Variants in SPIDR observed in about 807,000 individuals in gnomAD.
SPIDR encodes the protein scaffold protein involved in DNA repair.
Under a neutral mutation model 104.6 loss-of-function variants are expected in SPIDR, and 93 were observed. The observed-to-expected ratio is 0.89, with a 90% CI of 0.75 to 1.06. SPIDR has a LOEUF of 1.06. Among genes scored for constraint, SPIDR ranks in the 50% least tolerant of loss-of-function variants. The probability of loss-of-function intolerance (pLI) is 0.00; values close to 1 mark genes in which losing one functional copy is unlikely to be tolerated. For missense variants in SPIDR, 1,154 were observed against 1,111.2 expected (o/e 1.04, Z -0.55); for synonymous variants, 431 against 416.9 (o/e 1.03, Z -0.41).
chr8:47,482,075 T>C (rs1425310620), intron 8 of SPIDR, among the ~76,000 whole-genome samples: 1 of 152,224 alleles, frequency 6.6e-6, no homozygotes, highest in Non-Finnish European at 1.5e-5. Context: ...ACAGCACATG[T>C]TGAGCGTGGT....
intron 5 of SPIDR, among the ~76,000 whole-genome samples, chr8:47,328,681 A>G (rs972298034): frequency 1.3e-5 from 2 of 152,154 alleles, no homozygotes; most frequent in Admixed American, 6.5e-5. Context: ...CAGAGCATAC[A>G]GTGGAATCTT....
chr8:47,264,590 C>T (rs1403335884), intron 1 of SPIDR, among the ~76,000 whole-genome samples: 1 of 151,850 alleles, frequency 6.6e-6, no homozygotes, highest in Admixed American at 6.6e-5. Flanking sequence ...AGGACGACCA[C>T]ATATACTCCT....
At chr8:47,355,919 A>C (rs1168090803) in intron 5 of SPIDR, among the ~76,000 whole-genome samples, 1 of 152,188 alleles carries the variant, frequency 6.6e-6, no homozygotes, top group East Asian at 1.9e-4. Flanking sequence ...TTGTTAGTCA[A>C]GAGCTGGGCT....
At position 47,308,933 on chromosome 8, in the gene SPIDR, C is replaced by A. The variant is rs373739131; in HGVS notation, c.525+14903C>A. Reference sequence around the variant, plus strand: ...GCAAGTGATTAAAATTATATTCAGGCCTTCCCCTGGACATTAACAAGCCTT... The same window carrying A: ...GCAAGTGATTAAAATTATATTCAGGACTTCCCCTGGACATTAACAAGCCTT... On this transcript the variant is annotated intron_variant, in intron 5 of 19. Transcript: ENST00000297423. Among the ~76,000 whole-genome samples, 9 of 152,212 alleles carry A rather than the reference C, an allele frequency of 5.9e-5. No individual in the cohort carries two copies. The South Asian group carries it at 1.7e-3, about 28-fold the overall frequency.
intron 5 of SPIDR, among the ~76,000 whole-genome samples, chr8:47,309,994 G>A (rs1554583948): frequency 6.6e-6 from 1 of 150,590 alleles, no homozygotes; most frequent in Non-Finnish European, 1.5e-5. Flanking sequence ...AGCCGGGATT[G>A]CACCACTGCA....
rs117583309 is a variant in SPIDR, at chr8:47,669,117, A to T, written c.1545-4684A>T. 1.8e-4 allele frequency among the ~76,000 whole-genome samples: 28 copies of T among 152,324 alleles called. No homozygotes were observed. In the East Asian group the frequency reaches 5.4e-3, roughly 29 times the overall value. Reference sequence around the variant, plus strand: ...GATAAGCAACTTTTGCAAGATCCAAAGTTATTAACATAATGCTGCCCCCCG... The same window carrying T: ...GATAAGCAACTTTTGCAAGATCCAATGTTATTAACATAATGCTGCCCCCCG... On this transcript the variant is annotated intron_variant, in intron 10 of 19. Transcript: ENST00000297423.
intron 5 of SPIDR, among the ~76,000 whole-genome samples, chr8:47,355,104 C>T (rs781972023): frequency 7.9e-5 from 12 of 151,994 alleles, no homozygotes; most frequent in Admixed American, 7.2e-4. Flanking sequence ...TACAGGCACC[C>T]GCCACCACGC....
chr8:47,592,503 G>T (rs760390230), intron 8 of SPIDR: 25 of 1,415,422 alleles, frequency 1.8e-5, no homozygotes, highest in Non-Finnish European at 2.5e-5. Context: ...ATGACCACAT[G>T]AAAATAACAG....
chr8:47,383,750 TATTTA>T (rs2059584156), intron 5 of SPIDR, among the ~76,000 whole-genome samples: 1 of 152,244 alleles, frequency 6.6e-6, no homozygotes, highest in African/African-American at 2.4e-5. Context: ...CACACACTTG[TATTTA>T]ATTTATGCTT....
intron 8 of SPIDR, among the ~76,000 whole-genome samples, chr8:47,581,228 G>A (rs934496407): frequency 2.0e-5 from 3 of 151,922 alleles, no homozygotes; most frequent in African/African-American, 7.3e-5. Context: ...TGAACTTGAA[G>A]CCCTCTCAGC....
intron 10 of SPIDR, among the ~76,000 whole-genome samples, chr8:47,668,189 G>T (rs1176001130): frequency 1.3e-5 from 2 of 152,032 alleles, no homozygotes; most frequent in Non-Finnish European, 2.9e-5. Flanking sequence ...AAAAGAAAAG[G>T]TAATCAACTT....
rs1288843628 is a variant in SPIDR, at chr8:47,274,108, C to G, written c.34-5754C>G. 6.6e-5 allele frequency among the ~76,000 whole-genome samples: 10 copies of G among 152,220 alleles called. No individual in the cohort carries two copies. In the South Asian group the frequency reaches 1.7e-3, roughly 25 times the overall value. ...TCTTTATAAATAACAAAAGATATTC[C>G]TATCACTTAGGAAATTGCAAGAGTT... On this transcript the variant is annotated intron_variant, in intron 1 of 19. Coordinates refer to ENST00000297423, the MANE Select transcript of SPIDR (RefSeq NM_001080394.4).
At chr8:47,734,145 C>T (rs575042230) in intron 19 of SPIDR, among the ~76,000 whole-genome samples, 2 of 152,174 alleles carry the variant, frequency 1.3e-5, no homozygotes, top group Non-Finnish European at 2.9e-5. Flanking sequence ...TGGGCATTAG[C>T]GGGTGCCCCC....
chr8:47,438,991 G>A (rs2068875720), intron 7 of SPIDR, among the ~76,000 whole-genome samples: 1 of 152,158 alleles, frequency 6.6e-6, no homozygotes. Flanking sequence ...ACTCATATTA[G>A]TGAGTATCTG....
chr8:47,635,060 A>G (rs2067680117), intron 10 of SPIDR, among the ~76,000 whole-genome samples: 1 of 152,062 alleles, frequency 6.6e-6, no homozygotes, highest in South Asian at 2.1e-4. Flanking sequence ...GGAAAGGGAG[A>G]TGGTTAATGG....
At chr8:47,330,911 G>A (rs1426222554) in intron 5 of SPIDR, 1 of 375,962 alleles carries the variant, frequency 2.7e-6, no homozygotes, top group Non-Finnish European at 5.4e-6. Flanking sequence ...AGTATTTTTA[G>A]TTTTATAAGA....
intron 8 of SPIDR, among the ~76,000 whole-genome samples, chr8:47,445,906 A>G (rs1054174570): frequency 5.3e-5 from 8 of 152,262 alleles, no homozygotes; most frequent in Admixed American, 1.3e-4. Context: ...AGGAAGCTTC[A>G]GAAGAAAAAT....
chr8:47,674,504 G>GA (rs771086635), intron 11 of SPIDR, among the ~76,000 whole-genome samples: 19 of 146,664 alleles, frequency 1.3e-4, no homozygotes, highest in Non-Finnish European at 9.1e-5. Flanking sequence ...GAATTAGGGG[G>GA]AAAAAAAAAA....
chr8:47,523,488 T>G (rs1275420930), intron 8 of SPIDR, among the ~76,000 whole-genome samples: 1 of 152,114 alleles, frequency 6.6e-6, no homozygotes, highest in African/African-American at 2.4e-5. Context: ...ATGTGGAGAG[T>G]GCAAAGGTGT....
Sources: allele counts gnomAD v4.1 joint callset (sites outside exome capture counted in the v4.1 genomes callset), GRCh38; gene constraint gnomAD v4.1.1; transcripts MANE v1.5; gene names NCBI Gene and HGNC (gene_info 2026-07-23, HGNC 2026-07-21).